TET1: variants seen among roughly 807,000 people sequenced by gnomAD.
TET1 encodes methylcytosine dioxygenase TET1.
Under a neutral mutation model 148.7 loss-of-function variants are expected in TET1, and 13 were observed. That is an observed-to-expected ratio of 0.09 (90% CI 0.06 to 0.14). The LOEUF (loss-of-function observed/expected upper bound fraction) is 0.14. Among genes scored for constraint, TET1 ranks in the 10% least tolerant of loss-of-function variants. TET1 has a pLI of 1.00. For synonymous variants in TET1, 907 were observed against 937.2 expected (o/e 0.97, Z 0.59); for missense variants, 2,182 against 2,553.8 (o/e 0.85, Z 3.14).
Position 68,572,661 on chromosome 10 carries a change from G to C in TET1, c.323G>C (p.Ser108Thr), listed in dbSNP as rs2133685677. Residue 108 changes from serine (S) to threonine (T), a missense_variant, in exon 2 of 12, where the codon AGC becomes ACC. Physicochemically the swap from Ser to Thr is moderately conservative, Grantham distance 58 (BLOSUM62 1). Transcript: ENST00000373644. ...TCNGFTMALR[S>T]TSLSRRLSQP... is the part of the protein sequence containing the mutation. ...AATGGGTTTACAATGGCGCTACGAA[G>C]CACCTCTCTTAGCAGGCGACTCTCC... 1 of 1,614,034 alleles carries C rather than the reference G, an allele frequency of 6.2e-7. No individual in the cohort carries two copies. The highest frequency in any genetic ancestry group is 8.5e-7 in the Non-Finnish European group (1 of 1,179,992).
Position 68,662,023 on chromosome 10 carries a change from C to T in TET1, c.4462-5022C>T, listed in dbSNP as rs568195522. Among the ~76,000 whole-genome samples the T allele has an allele frequency of 3.3e-5, 5 of 151,972 alleles. No individual in the cohort carries two copies. The South Asian group carries it at 1.0e-3, about 32-fold the overall frequency. On this transcript the variant is annotated intron_variant, in intron 6 of 11. Transcript: ENST00000373644. ...CCCCAGTAGCTGGAACTACAAGTTGCACCACCACACTCGTCTAACTTTTGT... is the reference window on the plus strand; with the variant it reads ...CCCCAGTAGCTGGAACTACAAGTTGTACCACCACACTCGTCTAACTTTTGT...
At chr10:68,678,389 A>G (rs1422044667) in intron 8 of TET1, among the ~76,000 whole-genome samples, 1 of 152,206 alleles carries the variant, frequency 6.6e-6, no homozygotes, top group Non-Finnish European at 1.5e-5. Flanking sequence ...TCTGAAACTT[A>G]AGAAATGGTC....
At position 68,612,722 on chromosome 10, in the gene TET1, A is replaced by G. The variant is rs190078836; in HGVS notation, c.1968+11688A>G. Among the ~76,000 whole-genome samples the G allele has an allele frequency of 6.0e-3, 910 of 152,038 alleles. 4 individuals carry two copies. Among genetic ancestry groups the G allele is most frequent in the Non-Finnish European group, 9.5e-3 (646 of 67,962 alleles). On this transcript the variant is annotated intron_variant, in intron 3 of 11. Coordinates refer to ENST00000373644, the MANE Select transcript of TET1 (RefSeq NM_030625.3). The stretch of plus-strand genomic sequence containing the variant: ...TAGCCTCACCTCTCAGGCTCAAGCG[A>G]TCCTCCCACCTCAGTCCCCCAAGTA...
chr10:68,648,855 C>G (rs1381144847), intron 4 of TET1, among the ~76,000 whole-genome samples: 1 of 152,124 alleles, frequency 6.6e-6, no homozygotes, highest in Non-Finnish European at 1.5e-5. Flanking sequence ...TCAAGTGATC[C>G]TCGTGCCTCA....
At chr10:68,587,552 CAAG>C (rs1211948502) in intron 2 of TET1, among the ~76,000 whole-genome samples, 1 of 152,034 alleles carries the variant, frequency 6.6e-6, no homozygotes, top group African/African-American at 2.4e-5. Context: ...ACTAATAAAA[CAAG>C]AAAATCAAAA....
chr10:68,685,496 G>A (rs529283248), intron 10 of TET1, among the ~76,000 whole-genome samples: 1 of 152,230 alleles, frequency 6.6e-6, no homozygotes, highest in East Asian at 1.9e-4. Context: ...GCTCACACCT[G>A]TAATCCCAGC....
At chr10:68,621,774 G>A (rs1040910997) in intron 3 of TET1, among the ~76,000 whole-genome samples, 2 of 152,192 alleles carry the variant, frequency 1.3e-5, no homozygotes, top group East Asian at 3.9e-4. Context: ...CTAACCTTAG[G>A]ATTAAAGAAC....
At chr10:68,682,042 G>T (rs777660108) in intron 9 of TET1, among the ~76,000 whole-genome samples, 1 of 142,278 alleles carries the variant, frequency 7.0e-6, no homozygotes, top group African/African-American at 2.6e-5. Flanking sequence ...TACATACACA[G>T]CATATCTATC....
intron 3 of TET1, among the ~76,000 whole-genome samples, chr10:68,635,247 TC>T (rs1554940322): frequency 6.6e-6 from 1 of 151,874 alleles, no homozygotes; most frequent in Non-Finnish European, 1.5e-5. Flanking sequence ...AAAATGCCTA[TC>T]TAATAGGCAT....
rs73276466 is a variant in TET1 at position 68,573,641 on chromosome 10, G to T, written c.1303G>T (p.Val435Phe). Residue 435 changes from valine (V) to phenylalanine (F), a missense_variant, in exon 2 of 12, where the codon GTT becomes TTT. This residue lies in a region of TET1 where 665 missense variants were observed against 672.4 expected (regional missense o/e 0.99). Coordinates refer to ENST00000373644, the MANE Select transcript of TET1 (RefSeq NM_030625.3). ...VVPDLPVFLP[V>F]PPNPIATFNA... Reference sequence around the variant, plus strand: ...CCCAGACTTGCCTGTCTTCCTTCCTGTTCCTCCAAATCCAATTGCTACCTT... The same window carrying T: ...CCCAGACTTGCCTGTCTTCCTTCCTTTTCCTCCAAATCCAATTGCTACCTT... 6.2e-7 allele frequency: 1 copy of T among 1,614,080 alleles called. No individual in the cohort carries two copies. The highest frequency in any genetic ancestry group is 8.5e-7 in the Non-Finnish European group (1 of 1,180,014).
rs71475256 is a variant in TET1, at chr10:68,573,370, T to A, written c.1032T>A (p.Asp344Glu). The A allele has an allele frequency of 1.5e-4, 236 of 1,614,014 alleles. No individual in the cohort carries two copies. Among genetic ancestry groups the A allele is most frequent in the Non-Finnish European group, 2.0e-4 (231 of 1,180,034 alleles). The change falls in exon 2 of 12, where the codon GAT (aspartate) becomes GAA (glutamate). Residue 344 changes from aspartate to glutamate, a missense_variant. Around this residue, in one of 11 missense-constraint regions of TET1, gnomAD observed 665 missense variants for 672.4 expected, o/e 0.99. Transcript: ENST00000373644. ...SKQATLGAKP[D>E]HQEAFEATAN... The stretch of plus-strand genomic sequence containing the variant: ...AAGCGACCCTTGGTGCTAAACCAGA[T>A]CATCAAGAGGCCTTCGAAGCTACTG...
intron 3 of TET1, among the ~76,000 whole-genome samples, chr10:68,629,019 A>G (rs2054529099): frequency 6.6e-6 from 1 of 152,206 alleles, no homozygotes; most frequent in East Asian, 1.9e-4. Flanking sequence ...TTTTTCTCTA[A>G]AATAGAAATT....
At chr10:68,596,421 A>T (rs1267514167) in intron 2 of TET1, among the ~76,000 whole-genome samples, 4 of 151,994 alleles carry the variant, frequency 2.6e-5, no homozygotes, top group Admixed American at 1.3e-4. Flanking sequence ...AGATATTTTT[A>T]CTTCTTTGGG....
intron 8 of TET1, among the ~76,000 whole-genome samples, chr10:68,679,638 G>T (rs1406766242): frequency 6.6e-6 from 1 of 152,110 alleles, no homozygotes; most frequent in Non-Finnish European, 1.5e-5. Flanking sequence ...TGGGTTTAGC[G>T]AGGGCATGTT....
intron 2 of TET1, among the ~76,000 whole-genome samples, chr10:68,600,035 G>T (rs1469826461): frequency 6.6e-6 from 1 of 152,102 alleles, no homozygotes; most frequent in Non-Finnish European, 1.5e-5. Context: ...GTGTTTCTGG[G>T]CAAAGCGCCT....
intron 3 of TET1, among the ~76,000 whole-genome samples, chr10:68,624,980 C>T (rs868491828): frequency 2.6e-5 from 4 of 151,758 alleles, no homozygotes; most frequent in Admixed American, 2.0e-4. Context: ...GTGATCTGCC[C>T]GCCTCGGCCT....
chr10:68,596,430 G>A (rs1315009241), intron 2 of TET1, among the ~76,000 whole-genome samples: 1 of 151,808 alleles, frequency 6.6e-6, no homozygotes, highest in Non-Finnish European at 1.5e-5. Context: ...TACTTCTTTG[G>A]GCCTCTGAAT....
At chr10:68,657,056 G>A (rs1040730476) in intron 6 of TET1, among the ~76,000 whole-genome samples, 12 of 151,862 alleles carry the variant, frequency 7.9e-5, no homozygotes, top group Non-Finnish European at 1.2e-4. Context: ...CCATTTGGGT[G>A]CGGTGGCTCA....
intron 3 of TET1, among the ~76,000 whole-genome samples, chr10:68,627,809 G>T (rs1175498485): frequency 2.0e-5 from 3 of 151,788 alleles, no homozygotes; most frequent in Non-Finnish European, 4.4e-5. Flanking sequence ...GATGGCAGGT[G>T]CCTGTAATCC....
Sources: allele counts gnomAD v4.1 joint callset (sites outside exome capture counted in the v4.1 genomes callset), GRCh38; gene constraint gnomAD v4.1.1; regional missense constraint gnomAD v4.1.1; transcripts MANE v1.5; gene names NCBI Gene and HGNC (gene_info 2026-07-23, HGNC 2026-07-21).